The following PDE10A variants were observed in gnomAD, a reference collection of about 807,000 sequenced individuals.
PDE10A encodes the protein cAMP and cAMP-inhibited cGMP 3',5'-cyclic phosphodiesterase 10A.
In PDE10A, 39 loss-of-function variants were observed where a neutral mutation model predicts 97.7. The observed-to-expected ratio is 0.40, with a 90% CI of 0.31 to 0.52. The LOEUF is 0.52. PDE10A is among the 20% of genes least tolerant of loss of function. PDE10A has a pLI of 0.56. For missense variants in PDE10A, 731 were observed against 1,047.8 expected (o/e 0.70, Z 4.17); for synonymous variants, 371 against 376.8 (o/e 0.98, Z 0.18).
At chr6:165,798,709 T>TCA (rs151268677) in intron 1 of PDE10A, among the ~76,000 whole-genome samples, 2,702 of 150,284 alleles carry the variant, frequency 0.018, 45 homozygotes, top group African/African-American at 0.046. Context: ...TTTAAACCAA[T>TCA]CACACACACA....
At chr6:165,823,875 C>T (rs939434783) in intron 1 of PDE10A, among the ~76,000 whole-genome samples, 4 of 152,116 alleles carry the variant, frequency 2.6e-5, no homozygotes, top group African/African-American at 2.4e-5. Context: ...AACAAAATGT[C>T]ATTGTATGAC....
In PDE10A at chr6:165,523,227, TCAAAC is replaced by T. The variant is rs568409020; in HGVS notation, c.994+20208_994+20212del. Among the ~76,000 whole-genome samples the T allele has an allele frequency of 7.2e-4, 109 of 152,246 alleles. 1 individual carries two copies. In the South Asian group the frequency reaches 0.012, roughly 17 times the overall value. On this transcript the variant is annotated intron_variant, in intron 2 of 21. Coordinates refer to ENST00000539869, the MANE Select transcript of PDE10A (RefSeq NM_001385079.1). ...ATCTACAGATTCAGTGCCATTCCCATCAAACTATCAACGTCATTTTTCACAGAATT... is the reference window on the plus strand; with the variant it reads ...ATCTACAGATTCAGTGCCATTCCCATTATCAACGTCATTTTTCACAGAATT...
intron 1 of PDE10A, among the ~76,000 whole-genome samples, chr6:165,678,664 C>T (rs1001221729): frequency 1.3e-5 from 2 of 152,172 alleles, no homozygotes; most frequent in Non-Finnish European, 2.9e-5. Context: ...CATCTCAAGC[C>T]TCTCCCTGCG....
At position 165,480,063 on chromosome 6, in the gene PDE10A, T is replaced by C. The variant is rs116025062; in HGVS notation, c.1023+2252A>G. 2.5e-3 allele frequency among the ~76,000 whole-genome samples: 388 copies of C among 152,312 alleles called. 2 individuals are homozygous for C. Among genetic ancestry groups the C allele is most frequent in the African/African-American group, 9.1e-3 (380 of 41,568 alleles). On this transcript the variant is annotated intron_variant, in intron 3 of 21. Transcript: ENST00000539869. The stretch of plus-strand genomic sequence containing the variant: ...TTAGTCTGTAGTGTTAAGGCTGCAA[T>C]GTTTTAAAGATATATTAATAATATA...
chr6:165,825,651 G>T (rs1458306103), intron 1 of PDE10A, among the ~76,000 whole-genome samples: 1 of 152,208 alleles, frequency 6.6e-6, no homozygotes, highest in East Asian at 1.9e-4. Flanking sequence ...GGGGAAGAGA[G>T]CAAGACTGCA....
chr6:165,624,413 C>G (rs1295969988), intron 1 of PDE10A, among the ~76,000 whole-genome samples: 1 of 152,208 alleles, frequency 6.6e-6, no homozygotes, highest in Non-Finnish European at 1.5e-5. Flanking sequence ...CACTGTTAGA[C>G]GTTTAAGACT....
intron 1 of PDE10A, among the ~76,000 whole-genome samples, chr6:165,686,130 GACACACAC>G (rs57547290): frequency 0.012 from 1,778 of 145,292 alleles, 11 homozygotes; most frequent in Middle Eastern, 0.024. Flanking sequence ...AATGTGCATG[GACACACAC>G]ACACACACAC....
In PDE10A at chr6:165,688,430, T is replaced by C. The variant is rs549939028; in HGVS notation, c.-614-144862A>G. On this transcript the variant is annotated intron_variant, in intron 1 of 19. Coordinates refer to the PDE10A transcript ENST00000366882. ...TACTGAAATGGTTTCGTGGTATAAT[T>C]GACGAAGCCTCAGGGTATGTAGTGG... Among the ~76,000 whole-genome samples the C allele has an allele frequency of 5.3e-5, 8 of 152,300 alleles. No individual in the cohort carries two copies. The South Asian group carries it at 1.2e-3, about 24-fold the overall frequency.
chr6:165,874,646 C>G (rs1219118100), intron 1 of PDE10A, among the ~76,000 whole-genome samples: 2 of 152,208 alleles, frequency 1.3e-5, no homozygotes, highest in African/African-American at 4.8e-5. Flanking sequence ...TATGTCCTCT[C>G]ATATTATTTT....
At chr6:165,486,405 T>A (rs1301526343) in intron 2 of PDE10A, among the ~76,000 whole-genome samples, 1 of 152,218 alleles carries the variant, frequency 6.6e-6, no homozygotes, top group East Asian at 1.9e-4. Flanking sequence ...AGGTCGCTTC[T>A]GTATATAAGT....
intron 3 of PDE10A, among the ~76,000 whole-genome samples, chr6:165,480,692 A>AAT (rs1358823476): frequency 6.6e-6 from 1 of 152,226 alleles, no homozygotes; most frequent in Non-Finnish European, 1.5e-5. Flanking sequence ...GGAACTAAAG[A>AAT]GCATGCCTTC....
At chr6:165,451,333 T>C (rs1439842337) in intron 3 of PDE10A, among the ~76,000 whole-genome samples, 1 of 152,026 alleles carries the variant, frequency 6.6e-6, no homozygotes, top group Non-Finnish European at 1.5e-5. Context: ...TAAAAAACAG[T>C]CCTCCAACTA....
chr6:165,346,127 C>A (rs145275076), intron 18 of PDE10A, among the ~76,000 whole-genome samples: 11 of 152,234 alleles, frequency 7.2e-5, no homozygotes, highest in African/African-American at 2.6e-4. Flanking sequence ...ATCTTGGTGT[C>A]TTTTCCCAGA....
intron 1 of PDE10A, among the ~76,000 whole-genome samples, chr6:165,968,441 G>A (rs1244655743): frequency 6.6e-6 from 1 of 152,106 alleles, no homozygotes; most frequent in South Asian, 2.1e-4. Flanking sequence ...TATCACAATG[G>A]GGGTCTCTTA....
chr6:165,383,631 C>A (rs1785068957), intron 17 of PDE10A, among the ~76,000 whole-genome samples: 2 of 152,088 alleles, frequency 1.3e-5, no homozygotes. Flanking sequence ...CACTTGTGCC[C>A]ATATCAACAG....
intron 1 of PDE10A, among the ~76,000 whole-genome samples, chr6:165,791,087 G>A (rs1778637521): frequency 1.3e-5 from 2 of 151,978 alleles, no homozygotes; most frequent in African/African-American, 4.8e-5. Context: ...TGAAACTACA[G>A]GTGCATACCA....
At chr6:165,848,533 T>C (rs1780486369) in intron 1 of PDE10A, among the ~76,000 whole-genome samples, 1 of 152,076 alleles carries the variant, frequency 6.6e-6, no homozygotes, top group Non-Finnish European at 1.5e-5. Flanking sequence ...TTTCTTGGGG[T>C]CAGGCTTAAG....
At position 165,432,992 on chromosome 6, in the gene PDE10A, G is replaced by A. The variant is rs777232938; in HGVS notation, c.1473C>T (p.Phe491=). 1.2e-5 allele frequency: 19 copies of A among 1,613,804 alleles called. No homozygotes were observed. Among genetic ancestry groups the A allele is most frequent in the Non-Finnish European group, 1.4e-5 (17 of 1,179,926 alleles). The change falls in exon 7 of 22, where the codon TTC becomes TTT. Residue 491 remains phenylalanine (F), a synonymous_variant. Transcript: ENST00000539869. The stretch of plus-strand genomic sequence containing the variant: ...GCCTTACCTCCTGGTGACTAAGACA[G>A]AAGGCTTCTTTGCCCCAGTGCCGAT... ...ELYRHWGKEA[F]CLSHQEVATA...
chr6:165,584,846 G>C (rs1367287424), intron 1 of PDE10A, among the ~76,000 whole-genome samples: 1 of 152,144 alleles, frequency 6.6e-6, no homozygotes, highest in African/African-American at 2.4e-5. Context: ...AAAGAACCCT[G>C]AGCAACAGGC....
Sources: allele counts gnomAD v4.1 joint callset (sites outside exome capture counted in the v4.1 genomes callset), GRCh38; gene constraint gnomAD v4.1.1; transcripts MANE v1.5; gene names NCBI Gene and HGNC (gene_info 2026-07-23, HGNC 2026-07-21).